The following DPP6 variants were observed in gnomAD, a reference collection of about 807,000 sequenced individuals.
The protein encoded by DPP6 is dipeptidyl peptidase like 6.
A neutral mutation model predicts 122.6 loss-of-function variants in DPP6; 69 were observed. That is an observed-to-expected ratio of 0.56 (90% confidence interval 0.46 to 0.69). The LOEUF (loss-of-function observed/expected upper bound fraction) is 0.69. Among genes scored for constraint, DPP6 ranks in the 30% least tolerant of loss-of-function variants. The pLI, the probability that DPP6 is intolerant of heterozygous loss-of-function variation, is 0.00. For synonymous variants in DPP6, 418 were observed against 433.1 expected (o/e 0.97, Z 0.43); for missense variants, 928 against 1,116.9 (o/e 0.83, Z 2.41).
chr7:154,244,309 G>A (rs1190433253), intron 1 of DPP6, among the ~76,000 whole-genome samples: 1 of 152,088 alleles, frequency 6.6e-6, no homozygotes, highest in Non-Finnish European at 1.5e-5. Context: ...ATCCTCTACT[G>A]TGGGTAAAAT....
intron 1 of DPP6, among the ~76,000 whole-genome samples, chr7:154,142,565 CAAT>C (rs1795900422): frequency 6.6e-6 from 1 of 152,086 alleles, no homozygotes; most frequent in Non-Finnish European, 1.5e-5. Context: ...CAGTTTTCAT[CAAT>C]ATATTTTCAA....
chr7:154,031,420 A>T (rs1209927377), intron 1 of DPP6, among the ~76,000 whole-genome samples: 1 of 151,636 alleles, frequency 6.6e-6, no homozygotes, highest in Non-Finnish European at 1.5e-5. Context: ...TTAAAGTCTC[A>T]CTAAAAAACT....
At chr7:154,374,605 T>TTTTTTC (rs1812961670) in intron 1 of DPP6, among the ~76,000 whole-genome samples, 4 of 140,520 alleles carry the variant, frequency 2.8e-5, no homozygotes, top group Admixed American at 2.2e-4. Context: ...TTTTTCTGTT[T>TTTTTTC]TTTTTCTTTT....
At chr7:154,619,549 TA>T (rs1834501087) in intron 5 of DPP6, among the ~76,000 whole-genome samples, 1 of 152,174 alleles carries the variant, frequency 6.6e-6, no homozygotes, top group Non-Finnish European at 1.5e-5. Flanking sequence ...GAGGCTAGTG[TA>T]TTTGTGGCTG....
At chr7:154,499,098 C>T (rs746888104) in intron 3 of DPP6, among the ~76,000 whole-genome samples, 9 of 152,012 alleles carry the variant, frequency 5.9e-5, no homozygotes, top group African/African-American at 9.7e-5. Flanking sequence ...GCACAGAAGT[C>T]GGGGAGGAGA....
At chr7:154,374,083 C>T (rs6952681) in intron 1 of DPP6, among the ~76,000 whole-genome samples, 2,121 of 152,280 alleles carry the variant, frequency 0.014, 44 homozygotes, top group African/African-American at 0.047. Context: ...CAGAAATCTG[C>T]CTAACCCTGT....
chr7:153,788,007 CAAGGCAAT>C, the DPP6 span, among the ~76,000 whole-genome samples: 1 of 151,754 alleles, frequency 6.6e-6, no homozygotes, highest in Non-Finnish European at 1.5e-5. Flanking sequence ...TGGCTAGACT[CAAGGCAAT>C]AAATCATCTC....
At chr7:153,916,266 CCCGGCCCT>C in intron 1 of DPP6, among the ~76,000 whole-genome samples, 1 of 151,916 alleles carries the variant, frequency 6.6e-6, no homozygotes, top group Admixed American at 6.6e-5. Flanking sequence ...AGCCACTGTG[CCCGGCCCT>C]CTGATTTTTA....
At chr7:153,809,998 A>T in the DPP6 span, among the ~76,000 whole-genome samples, 1 of 152,190 alleles carries the variant, frequency 6.6e-6, no homozygotes, top group South Asian at 2.1e-4. Flanking sequence ...AGCTACCATT[A>T]GAAGGAATCC....
intron 5 of DPP6, among the ~76,000 whole-genome samples, chr7:154,600,823 G>A (rs1240959946): frequency 8.2e-6 from 1 of 121,716 alleles, no homozygotes; most frequent in African/African-American, 2.6e-5. Context: ...CAGGCGCAGT[G>A]GCTCATGCCT....
chr7:153,999,903 T>C (rs1797608449), intron 1 of DPP6, among the ~76,000 whole-genome samples: 1 of 151,512 alleles, frequency 6.6e-6, no homozygotes, highest in Admixed American at 6.6e-5. Context: ...GAGGTTACAG[T>C]GAGCCAAGAT....
At chr7:153,808,353 G>T in the DPP6 span, among the ~76,000 whole-genome samples, 1 of 151,406 alleles carries the variant, frequency 6.6e-6, no homozygotes, top group African/African-American at 2.4e-5. Context: ...GCACGTGTGT[G>T]TGTGGGCATG....
chr7:154,710,794 T>C (rs731583), intron 7 of DPP6, among the ~76,000 whole-genome samples: 122,440 of 152,210 alleles, frequency 0.8, 49,915 homozygotes, highest in Non-Finnish European at 0.88. Flanking sequence ...CAGGAGTTAT[T>C]TGCAGGATTG....
At chr7:154,083,549 C>A (rs1273332289) in intron 1 of DPP6, among the ~76,000 whole-genome samples, 4 of 150,616 alleles carry the variant, frequency 2.7e-5, no homozygotes, top group Non-Finnish European at 4.4e-5. Context: ...TACCCTAAGC[C>A]ACAGCTCAAA....
intron 16 of DPP6, among the ~76,000 whole-genome samples, chr7:154,814,131 TC>T (rs34006464): frequency 0.095 from 14,521 of 152,100 alleles, 774 homozygotes; most frequent in South Asian, 0.15. Context: ...TCCACCTGCC[TC>T]GGCCTCCCAA....
chr7:154,551,333 C>T (rs997390796), intron 4 of DPP6, among the ~76,000 whole-genome samples: 9 of 152,076 alleles, frequency 5.9e-5, no homozygotes, highest in African/African-American at 2.2e-4. Context: ...GGGGAGGTGG[C>T]ACTTTTTCCT....
At chr7:154,616,674 G>T (rs933446791) in intron 5 of DPP6, among the ~76,000 whole-genome samples, 1 of 152,128 alleles carries the variant, frequency 6.6e-6, no homozygotes, top group Non-Finnish European at 1.5e-5. Flanking sequence ...CTGGACCTAG[G>T]TTCAATTAAG....
intron 16 of DPP6, among the ~76,000 whole-genome samples, chr7:154,847,100 C>T (rs1186332478): frequency 6.6e-6 from 1 of 152,130 alleles, no homozygotes; most frequent in Non-Finnish European, 1.5e-5. Context: ...GATGTGTTCC[C>T]AGGAGTGGAG....
chr7:153,768,867 ACCTGGGCTTAACAC>A, the DPP6 span, among the ~76,000 whole-genome samples: 1 of 152,216 alleles, frequency 6.6e-6, no homozygotes, highest in Non-Finnish European at 1.5e-5. Context: ...ACAAATTCAG[ACCTGGGCTTAACAC>A]CCAAATTCTA....
Sources: allele counts gnomAD v4.1 joint callset (sites outside exome capture counted in the v4.1 genomes callset), GRCh38; gene constraint gnomAD v4.1.1; transcripts MANE v1.5; gene names NCBI Gene and HGNC (gene_info 2026-07-23, HGNC 2026-07-21).